The following UNC13C variants were observed in gnomAD, a reference collection of about 807,000 sequenced individuals.
UNC13C encodes protein unc-13 homolog C.
In UNC13C, 174 loss-of-function variants were observed where a neutral mutation model predicts 245.4. The ratio of observed to expected loss-of-function variants is 0.71; its 90% CI spans 0.63 to 0.80. UNC13C has a LOEUF of 0.80. UNC13C is among the 30% of genes least tolerant of loss of function. UNC13C has a pLI of 0.00. For missense variants in UNC13C, 2,829 were observed against 2,602.9 expected (o/e 1.09, Z -1.89); for synonymous variants, 992 against 895.1 (o/e 1.11, Z -1.93).
chr15:54,583,081 TC>T (rs1898280867), intron 30 of UNC13C, among the ~76,000 whole-genome samples: 1 of 152,138 alleles, frequency 6.6e-6, no homozygotes. Context: ...TAATAAGCTC[TC>T]AGGCACAACT....
intron 30 of UNC13C, among the ~76,000 whole-genome samples, chr15:54,569,917 TC>T (rs1467861599): frequency 6.6e-6 from 1 of 152,014 alleles, no homozygotes; most frequent in African/African-American, 2.4e-5. Context: ...CCTCCAGCCC[TC>T]CTATCCACCC....
At chr15:54,586,728 A>T (rs1253415881) in intron 30 of UNC13C, among the ~76,000 whole-genome samples, 1 of 152,224 alleles carries the variant, frequency 6.6e-6, no homozygotes, top group Non-Finnish European at 1.5e-5. Context: ...CATCATGCAG[A>T]TGCAAGTAAT....
intron 19 of UNC13C, among the ~76,000 whole-genome samples, chr15:54,429,081 A>C (rs72734799): frequency 0.011 from 1,686 of 151,882 alleles, 8 homozygotes; most frequent in Non-Finnish European, 0.019. Context: ...ACAGTGCTCA[A>C]AATGCTTTAT....
At chr15:54,498,390 T>C (rs1482211517) in intron 20 of UNC13C, among the ~76,000 whole-genome samples, 1 of 152,012 alleles carries the variant, frequency 6.6e-6, no homozygotes, top group African/African-American at 2.4e-5. Flanking sequence ...GATAATTAGA[T>C]AATTAAATAC....
intron 16 of UNC13C, among the ~76,000 whole-genome samples, chr15:54,335,836 T>C (rs2038559879): frequency 1.3e-5 from 2 of 152,180 alleles, no homozygotes; most frequent in Non-Finnish European, 2.9e-5. Flanking sequence ...CATGGGATTA[T>C]AGTTGTAAAC....
rs772360503 is a variant in UNC13C, at chr15:54,626,908, G to A, written c.6440G>A (p.Arg2147Gln). 44 of 1,613,154 alleles carry A rather than the reference G, an allele frequency of 2.7e-5. No homozygotes were observed. The Admixed American group carries it at 5.5e-4, about 20-fold the overall frequency. The change falls in exon 33 of 33, where the codon CGA (arginine) becomes CAA (glutamine). Residue 2147 changes from arginine (R) to glutamine (Q), a missense_variant. Physicochemically the swap from Arg to Gln is conservative, Grantham distance 43 (BLOSUM62 1). Transcript: ENST00000260323. ...VKDYCFARED[R>Q]IIGMTVIQLQ... ...GATTACTGCTTTGCCAGAGAAGATCGAATTATCGGAATGACAGTCATTCAG... is the reference window on the plus strand; with the variant it reads ...GATTACTGCTTTGCCAGAGAAGATCAAATTATCGGAATGACAGTCATTCAG...
At chr15:54,484,898 A>C (rs938093212) in intron 19 of UNC13C, among the ~76,000 whole-genome samples, 1 of 152,236 alleles carries the variant, frequency 6.6e-6, no homozygotes, top group Non-Finnish European at 1.5e-5. Flanking sequence ...TGAGTGTTTT[A>C]ATAAAAAACT....
Position 54,342,899 on chromosome 15 carries a change from G to A in UNC13C, c.4713+4410G>A, listed in dbSNP as rs574378466. On this transcript the variant is annotated intron_variant, in intron 17 of 32. Transcript: ENST00000260323. Reference sequence around the variant, plus strand: ...TTCATAACTTTAGCTTATCAACTCTGTTAGATATGCTTAGTTTTAAAACTT... The same window carrying A: ...TTCATAACTTTAGCTTATCAACTCTATTAGATATGCTTAGTTTTAAAACTT... Among the ~76,000 whole-genome samples the A allele has an allele frequency of 4.6e-5, 7 of 152,224 alleles. No homozygotes were observed. In the South Asian group the frequency reaches 1.5e-3, roughly 32 times the overall value.
chr15:54,218,088 C>A (rs1233044535), intron 4 of UNC13C, among the ~76,000 whole-genome samples: 1 of 151,872 alleles, frequency 6.6e-6, no homozygotes, highest in Admixed American at 6.6e-5. Context: ...GAGACATTCC[C>A]TGTGAACAAA....
Position 54,294,059 on chromosome 15 carries a change from A to T in UNC13C, c.3983A>T (p.Asn1328Ile). ...TLSGEMDVWYNLEKRTDKSAV... is the reference protein window; with the variant it reads ...TLSGEMDVWYILEKRTDKSAV... ...AGTGGAGAAATGGATGTCTGGTACA[A>T]CTTAGGTGATTTTTTTTTTTATCTA... Residue 1328 changes from asparagine (N) to isoleucine (I), a missense_variant, in exon 11 of 33, where the codon AAC (asparagine) becomes ATC (isoleucine). Physicochemically the swap from Asn to Ile is moderately radical, Grantham distance 149 (BLOSUM62 -3). Transcript: ENST00000260323. The T allele has an allele frequency of 6.5e-7, 1 of 1,529,820 alleles. No individual in the cohort carries two copies. Among genetic ancestry groups the T allele is most frequent in the Non-Finnish European group, 8.7e-7 (1 of 1,145,388 alleles). 94.8% of individuals were successfully genotyped at this position (1,529,820 alleles called of 1,614,324 possible). A position where few individuals can be genotyped will look rare whatever the true frequency, so the allele number is the denominator to read the frequency against.
chr15:54,238,769 G>A (rs1175294653), intron 7 of UNC13C, among the ~76,000 whole-genome samples: 10 of 152,106 alleles, frequency 6.6e-5, no homozygotes, highest in Admixed American at 6.5e-4. Flanking sequence ...GGCATGAGGT[G>A]GATGTTTGTA....
chr15:53,869,402 A>T, the UNC13C span, among the ~76,000 whole-genome samples: 1 of 140,894 alleles, frequency 7.1e-6, no homozygotes, highest in Non-Finnish European at 1.5e-5. Flanking sequence ...AATCATTAAT[A>T]TTTTACTCCA....
At position 54,115,895 on chromosome 15, in the gene UNC13C, AG is replaced by A. The variant is rs201307329; in HGVS notation, c.2984-27121del. ...ATGGTATGACTTTGATGACCTGGTA[AG>A]GCAGCAATAGACGCATAGAAGAAGG... is the stretch of plus-strand genomic sequence containing the variant. On this transcript the variant is annotated intron_variant, in intron 2 of 32. Transcript: ENST00000260323. Among the ~76,000 whole-genome samples the A allele has an allele frequency of 7.3e-3, 1,106 of 152,282 alleles. 14 individuals are homozygous for A. Among genetic ancestry groups the A allele is most frequent in the Middle Eastern group, 0.017 (5 of 294 alleles).
chr15:54,196,876 A>G (rs2141337050), intron 4 of UNC13C, among the ~76,000 whole-genome samples: 1 of 152,254 alleles, frequency 6.6e-6, no homozygotes, highest in African/African-American at 2.4e-5. Flanking sequence ...CTTAACAGTA[A>G]AAAACTGAAA....
At chr15:53,993,469 T>G (rs1238005809) in intron 1 of UNC13C, among the ~76,000 whole-genome samples, 1 of 152,086 alleles carries the variant, frequency 6.6e-6, no homozygotes, top group Non-Finnish European at 1.5e-5. Context: ...AGTGACTTAG[T>G]CCTGAAGGGG....
chr15:54,543,814 A>T (rs1596542268), intron 26 of UNC13C, among the ~76,000 whole-genome samples: 1 of 152,134 alleles, frequency 6.6e-6, no homozygotes, highest in Admixed American at 6.5e-5. Flanking sequence ...TAATGTACCA[A>T]CCAAAAAAAG....
downstream of UNC13C, chr15:54,631,867 C>A (rs1901463383): frequency 6.6e-6 from 1 of 152,042 alleles, no homozygotes; most frequent in Non-Finnish European, 1.5e-5. Context: ...AGTGTGATTT[C>A]TAGGTCTTAT....
At chr15:54,045,694 A>G (rs1027026938) in intron 2 of UNC13C, among the ~76,000 whole-genome samples, 2 of 152,224 alleles carry the variant, frequency 1.3e-5, no homozygotes, top group Non-Finnish European at 2.9e-5. Flanking sequence ...TGAGGTGTTT[A>G]CTGAACAAAG....
At chr15:53,842,142 T>C in the UNC13C span, among the ~76,000 whole-genome samples, 2 of 152,162 alleles carry the variant, frequency 1.3e-5, no homozygotes, top group African/African-American at 4.8e-5. Flanking sequence ...TTACTAGCAC[T>C]GAGCAGGAGA....
Sources: allele counts gnomAD v4.1 joint callset (sites outside exome capture counted in the v4.1 genomes callset), GRCh38; gene constraint gnomAD v4.1.1; transcripts MANE v1.5; gene names NCBI Gene and HGNC (gene_info 2026-07-23, HGNC 2026-07-21).